The following GREM2 variants were observed in gnomAD, a reference collection of about 807,000 sequenced individuals.
GREM2 encodes the protein gremlin 2, DAN family BMP antagonist.
In GREM2, 11 loss-of-function variants were observed where a neutral mutation model predicts 14.2. The observed-to-expected ratio is 0.78, with a 90% confidence interval of 0.49 to 1.28. The LOEUF is 1.28. Ranked by LOEUF, GREM2 falls within the 50% of genes most tolerant of loss-of-function variation. The pLI is 0.00. For missense variants in GREM2, 210 were observed against 218.5 expected, an observed-to-expected ratio of 0.96 and a Z score of 0.24; for synonymous variants, 98 against 97.6, an observed-to-expected ratio of 1.00 and a Z score of -0.02.
At position 240,492,930 on chromosome 1, in the gene GREM2, C is replaced by T. The variant is rs777825846; in HGVS notation, c.*39G>A. The T allele has an allele frequency of 7.2e-7, 1 of 1,390,878 alleles. No homozygotes were observed. Among genetic ancestry groups the T allele is most frequent in the Non-Finnish European group, 9.3e-7 (1 of 1,071,656 alleles). 86.2% of individuals were successfully genotyped at this position (1,390,878 alleles called of 1,614,324 possible). On this transcript the variant is annotated 3_prime_UTR_variant, in exon 2 of 2. Transcript: ENST00000318160. ...AGGCGGCGGCGGCGCCACCCAGCGG[C>T]CGGGCGCGCGCGGGGCTGAGCTGCG...
intron 1 of GREM2, among the ~76,000 whole-genome samples, chr1:240,587,309 T>G (rs1679617527): frequency 6.8e-6 from 1 of 148,020 alleles, no homozygotes; most frequent in African/African-American, 2.5e-5. Flanking sequence ...TTTTCTTTCT[T>G]TTTTTCTTTT....
chr1:240,495,345 T>C (rs931313997), intron 1 of GREM2, among the ~76,000 whole-genome samples: 2 of 152,180 alleles, frequency 1.3e-5, no homozygotes, highest in African/African-American at 4.8e-5. Context: ...AACAATTATA[T>C]ATACATCATA....
At chr1:240,535,400 G>A (rs1011287346) in intron 1 of GREM2, among the ~76,000 whole-genome samples, 3 of 152,062 alleles carry the variant, frequency 2.0e-5, no homozygotes, top group Non-Finnish European at 4.4e-5. Flanking sequence ...ACATTTCTTT[G>A]AGTTTGTAAA....
intron 1 of GREM2, among the ~76,000 whole-genome samples, chr1:240,544,881 A>T (rs1256219046): frequency 2.0e-5 from 3 of 152,220 alleles, no homozygotes; most frequent in Non-Finnish European, 4.4e-5. Context: ...GTGAAAAGTT[A>T]TATAGTTCTC....
chr1:240,600,285 A>G (rs1679897232), intron 1 of GREM2, among the ~76,000 whole-genome samples: 1 of 152,266 alleles, frequency 6.6e-6, no homozygotes, highest in Non-Finnish European at 1.5e-5. Flanking sequence ...AACATCCAAC[A>G]TGTATCATGG....
intron 1 of GREM2, among the ~76,000 whole-genome samples, chr1:240,513,998 C>A (rs1677894797): frequency 6.6e-6 from 1 of 152,078 alleles, no homozygotes; most frequent in Non-Finnish European, 1.5e-5. Context: ...GTAATCCCAG[C>A]ACTTTGGGCG....
In GREM2 at chr1:240,491,757, T is replaced by C. The variant is rs965905882; in HGVS notation, c.*1212A>G. The stretch of plus-strand genomic sequence containing the variant: ...TTAACAGGAAATATTTTTTGCCTAG[T>C]GTCATGGCAGTGAAAGTAGTATACG... On this transcript the variant is annotated 3_prime_UTR_variant, in exon 2 of 2. Transcript: ENST00000318160. 1 of 152,656 alleles carries C rather than the reference T, an allele frequency of 6.6e-6. No homozygotes were observed. The highest frequency in any genetic ancestry group is 1.5e-5 in the Non-Finnish European group (1 of 68,046). The allele number at this position is 152,656 out of a possible 1,614,324, so 9.5% of individuals were successfully genotyped here.
intron 1 of GREM2, among the ~76,000 whole-genome samples, chr1:240,606,240 A>G (rs1268270559): frequency 1.3e-5 from 2 of 152,346 alleles, no homozygotes; most frequent in African/African-American, 4.8e-5. Context: ...AGAACAAGAA[A>G]TAGCCTCTGC....
intron 1 of GREM2, among the ~76,000 whole-genome samples, chr1:240,521,534 G>A (rs991648074): frequency 1.8e-4 from 28 of 152,016 alleles, no homozygotes; most frequent in African/African-American, 6.0e-4. Context: ...TGGCACCACT[G>A]CACTCCAGCC....
Position 240,547,532 on chromosome 1 carries a change from T to TAGACAGATAGATAG in GREM2, c.-1-54057_-1-54056insCTATCTATCTGTCT, listed in dbSNP as rs1553275859. ...AAAAAAAAATATATATATATATATA[T>TAGACAGATAGATAG]ATAGATAGATAGATAGATAGATAGA... On this transcript the variant is annotated intron_variant, in intron 1 of 1. Transcript: ENST00000318160. 8.5e-3 allele frequency among the ~76,000 whole-genome samples: 1,039 copies of TAGACAGATAGATAG among 121,524 alleles called. 26 individuals are homozygous for TAGACAGATAGATAG. Among genetic ancestry groups the TAGACAGATAGATAG allele is most frequent in the African/African-American group, 0.036 (958 of 26,766 alleles). The allele number at this position is 121,524 out of a possible 152,430, so 79.7% of individuals were successfully genotyped here.
intron 1 of GREM2, among the ~76,000 whole-genome samples, chr1:240,503,418 A>G (rs891378892): frequency 1.3e-5 from 2 of 152,070 alleles, no homozygotes; most frequent in South Asian, 4.1e-4. Context: ...ACACTCTCAG[A>G]TCCATCTTCT....
chr1:240,603,952 A>G (rs1254005077), intron 1 of GREM2, among the ~76,000 whole-genome samples: 1 of 151,630 alleles, frequency 6.6e-6, no homozygotes, highest in East Asian at 2.0e-4. Context: ...CTGCAGATGT[A>G]CAAGAAACAT....
intron 1 of GREM2, among the ~76,000 whole-genome samples, chr1:240,518,210 A>G (rs1416498463): frequency 6.6e-6 from 1 of 152,206 alleles, no homozygotes; most frequent in Non-Finnish European, 1.5e-5. Context: ...CTTTTACATC[A>G]GCCAAAAAGT....
In GREM2 at chr1:240,556,967, C is replaced by T. The variant is rs113820084; in HGVS notation, c.-2+54917G>A. The stretch of plus-strand genomic sequence containing the variant: ...GGTGGATTGCCTGAGCTCAGAAGTT[C>T]GAGACCAGCCTGGATAACATGGTGA... On this transcript the variant is annotated intron_variant, in intron 1 of 1. Coordinates refer to ENST00000318160, the MANE Select transcript of GREM2 (RefSeq NM_022469.4). Among the ~76,000 whole-genome samples the T allele has an allele frequency of 4.1e-3, 630 of 151,964 alleles. 3 individuals carry two copies. The highest frequency in any genetic ancestry group is 0.015 in the African/African-American group (602 of 41,456).
At position 240,492,961 on chromosome 1, in the gene GREM2, C is replaced by T. The variant is rs1432365677; in HGVS notation, c.*8G>A. The T allele has an allele frequency of 2.0e-6, 3 of 1,517,264 alleles. No homozygotes were observed. Among genetic ancestry groups the T allele is most frequent in the Non-Finnish European group, 2.7e-6 (3 of 1,129,200 alleles). 94.0% of individuals were successfully genotyped at this position (1,517,264 alleles called of 1,614,324 possible). A position where few individuals can be genotyped will look rare whatever the true frequency, so the allele number is the denominator to read the frequency against. On this transcript the variant is annotated 3_prime_UTR_variant, in exon 2 of 2. Coordinates refer to ENST00000318160, the MANE Select transcript of GREM2 (RefSeq NM_022469.4). ...GCGCGCGGGGCTGAGCTGCGTCCGGCCCGGCGCTCACTGCTTGTCCGAGTC... is the reference window on the plus strand; with the variant it reads ...GCGCGCGGGGCTGAGCTGCGTCCGGTCCGGCGCTCACTGCTTGTCCGAGTC...
chr1:240,611,384 C>T (rs1558183397), intron 1 of GREM2, among the ~76,000 whole-genome samples: 1 of 152,064 alleles, frequency 6.6e-6, no homozygotes, highest in Non-Finnish European at 1.5e-5. Flanking sequence ...TGATATTTCC[C>T]TCATGAGGCG....
At chr1:240,516,818 T>C (rs574506421) in intron 1 of GREM2, among the ~76,000 whole-genome samples, 1 of 152,322 alleles carries the variant, frequency 6.6e-6, no homozygotes, top group Non-Finnish European at 1.5e-5. Flanking sequence ...TTTTAATTTT[T>C]GTTACTACTG....
intron 1 of GREM2, among the ~76,000 whole-genome samples, chr1:240,603,827 A>G (rs1679974823): frequency 6.7e-6 from 1 of 148,690 alleles, no homozygotes; most frequent in African/African-American, 2.5e-5. Flanking sequence ...TGTGTTATAT[A>G]TGTATTTTAT....
At chr1:240,581,035 A>C (rs964053303) in intron 1 of GREM2, among the ~76,000 whole-genome samples, 8 of 152,194 alleles carry the variant, frequency 5.3e-5, no homozygotes, top group East Asian at 3.9e-4. Context: ...AGATCACCTG[A>C]GGTCAAAAGT....
Sources: allele counts gnomAD v4.1 joint callset (sites outside exome capture counted in the v4.1 genomes callset), GRCh38; gene constraint gnomAD v4.1.1; transcripts MANE v1.5; gene names NCBI Gene and HGNC (gene_info 2026-07-23, HGNC 2026-07-21).